TNFAIP8L3: variants seen among roughly 807,000 people sequenced by gnomAD.
The protein encoded by TNFAIP8L3 is tumor necrosis factor alpha-induced protein 8-like protein 3.
A neutral mutation model predicts 11.8 loss-of-function variants in TNFAIP8L3; 7 were observed. The ratio of observed to expected loss-of-function variants is 0.59; its 90% CI spans 0.34 to 1.11. TNFAIP8L3 has a LOEUF of 1.11. Among genes scored for constraint, TNFAIP8L3 ranks in the 50% most tolerant of loss-of-function variants. The pLI is 0.03. For missense variants in TNFAIP8L3, 219 were observed against 258.6 expected, an observed-to-expected ratio of 0.85 and a Z score of 1.05; for synonymous variants, 98 against 103.8, an observed-to-expected ratio of 0.94 and a Z score of 0.34.
At chr15:51,097,901 G>A (rs2065525439), upstream of TNFAIP8L3, among the ~76,000 whole-genome samples, 1 of 152,140 alleles carries the variant, frequency 6.6e-6, no homozygotes, top group Non-Finnish European at 1.5e-5. Flanking sequence ...AAGGGTTTCT[G>A]TAGTTCCTCT....
intron 1 of TNFAIP8L3, among the ~76,000 whole-genome samples, chr15:51,090,458 T>C (rs1464245399): frequency 6.6e-6 from 1 of 152,218 alleles, no homozygotes; most frequent in Non-Finnish European, 1.5e-5. Context: ...TCAAGAATCA[T>C]GGGGGCTCCA....
intron 1 of TNFAIP8L3, among the ~76,000 whole-genome samples, chr15:51,077,276 G>A (rs1233931165): frequency 1.3e-5 from 2 of 152,194 alleles, no homozygotes; most frequent in African/African-American, 2.4e-5. Context: ...AGTGCCCACA[G>A]ACCAAACCAC....
In TNFAIP8L3 at chr15:51,069,045, G is replaced by A. The variant is rs116284829; in HGVS notation, c.53-10602C>T. Among the ~76,000 whole-genome samples the A allele has an allele frequency of 1.7e-3, 260 of 152,180 alleles. 2 individuals carry two copies. Among genetic ancestry groups the A allele is most frequent in the African/African-American group, 6.1e-3 (254 of 41,512 alleles). ...GAGGCAGGCTTGGGTGCAATAGGAC[G>A]GGGGCAGAGGTTGGAAGGATGAAGG... On this transcript the variant is annotated intron_variant, in intron 1 of 1. Coordinates refer to ENST00000637513, the MANE Select transcript of TNFAIP8L3 (RefSeq NM_001311175.2).
At chr15:51,062,846 A>G (rs2065249388) in intron 1 of TNFAIP8L3, among the ~76,000 whole-genome samples, 1 of 152,212 alleles carries the variant, frequency 6.6e-6, no homozygotes, top group African/African-American at 2.4e-5. Context: ...TCATACTTGG[A>G]ACCACTGGAT....
At chr15:51,084,414 T>A (rs573571699) in intron 1 of TNFAIP8L3, among the ~76,000 whole-genome samples, 2 of 152,316 alleles carry the variant, frequency 1.3e-5, no homozygotes, top group African/African-American at 4.8e-5. Context: ...TTCAAGTTGT[T>A]TATTTAGGTT....
At position 51,105,248 on chromosome 15, in the gene TNFAIP8L3, T is replaced by A. The variant is rs1392455887; in HGVS notation, c.-72A>T. 8 of 1,517,998 alleles carry A rather than the reference T, an allele frequency of 5.3e-6. No homozygotes were observed. The South Asian group carries it at 6.2e-5, about 12-fold the overall frequency. The allele number at this position is 1,517,998 out of a possible 1,614,324, so 94.0% of individuals were successfully genotyped here. ...TGACTCTTTAGGAGGTCTGGTCGTT[T>A]CCCATTACTTGAGGTAAGACTAGCA... On this transcript the variant is annotated 5_prime_UTR_variant, in exon 1 of 3. Transcript: ENST00000327536.
intron 1 of TNFAIP8L3, among the ~76,000 whole-genome samples, chr15:51,091,804 TAAC>T (rs2065472873): frequency 6.6e-6 from 1 of 151,890 alleles, no homozygotes; most frequent in Non-Finnish European, 1.5e-5. Flanking sequence ...AATGTGATAA[TAAC>T]AGCAGCAACA....
At chr15:51,097,594 C>G (rs558661848), upstream of TNFAIP8L3, among the ~76,000 whole-genome samples, 1 of 152,292 alleles carries the variant, frequency 6.6e-6, no homozygotes, top group Non-Finnish European at 1.5e-5. Context: ...CCAAACTAAA[C>G]AAGGTCTCGA....
intron 1 of TNFAIP8L3, among the ~76,000 whole-genome samples, chr15:51,068,187 A>G (rs1200164782): frequency 6.6e-6 from 1 of 152,206 alleles, no homozygotes; most frequent in Non-Finnish European, 1.5e-5. Context: ...GCTGGGGTTC[A>G]GGGATGAGTC....
chr15:51,081,144 C>T (rs1282992461), intron 1 of TNFAIP8L3, among the ~76,000 whole-genome samples: 2 of 151,878 alleles, frequency 1.3e-5, no homozygotes, highest in South Asian at 2.1e-4. Flanking sequence ...CTCAGGAGGG[C>T]TTGTGGGGGT....
At chr15:51,084,961 A>C (rs2065416906) in intron 1 of TNFAIP8L3, among the ~76,000 whole-genome samples, 1 of 152,228 alleles carries the variant, frequency 6.6e-6, no homozygotes, top group Admixed American at 6.5e-5. Flanking sequence ...GGAGCAACTG[A>C]GAAGGTACAG....
intron 1 of TNFAIP8L3, among the ~76,000 whole-genome samples, chr15:51,091,711 C>CACACAG (rs2065472078): frequency 6.8e-6 from 1 of 146,630 alleles, no homozygotes; most frequent in Admixed American, 6.9e-5. Flanking sequence ...CACACACACA[C>CACACAG]ACACACGTGC....
At position 51,057,629 on chromosome 15, in the gene TNFAIP8L3, CT is replaced by C; in HGVS notation, c.*251del. 2.5e-6 allele frequency: 1 copy of C among 405,412 alleles called. No individual in the cohort carries two copies. The highest frequency in any genetic ancestry group is 4.4e-6 in the Non-Finnish European group (1 of 227,278). 25.1% of individuals were successfully genotyped at this position (405,412 alleles called of 1,614,324 possible). A position where few individuals can be genotyped will look rare whatever the true frequency, so the allele number is the denominator to read the frequency against. On this transcript the variant is annotated 3_prime_UTR_variant, in exon 2 of 2. Transcript: ENST00000637513. Reference sequence around the variant, plus strand: ...CACTCACTGTAATGAACAAAACAGCCTTTCTGCTTAGAATAGATGAAATGTC... The same window carrying C: ...CACTCACTGTAATGAACAAAACAGCCTTCTGCTTAGAATAGATGAAATGTC...
At chr15:51,070,505 A>G (rs1245452307) in intron 1 of TNFAIP8L3, among the ~76,000 whole-genome samples, 2 of 152,208 alleles carry the variant, frequency 1.3e-5, no homozygotes, top group African/African-American at 2.4e-5. Flanking sequence ...AGCGATAGCA[A>G]TGGATGCAGC....
intron 1 of TNFAIP8L3, among the ~76,000 whole-genome samples, chr15:51,063,172 A>G (rs1054180826): frequency 6.6e-6 from 1 of 152,196 alleles, no homozygotes; most frequent in Non-Finnish European, 1.5e-5. Flanking sequence ...AAAATGATAA[A>G]TTGGTGTCTT....
At chr15:51,066,349 G>T (rs1276415296) in intron 1 of TNFAIP8L3, among the ~76,000 whole-genome samples, 4 of 152,024 alleles carry the variant, frequency 2.6e-5, no homozygotes. Context: ...TTTTAGTAGA[G>T]ACGGGGTTTC....
chr15:51,092,213 T>C (rs1001210744), intron 1 of TNFAIP8L3, among the ~76,000 whole-genome samples: 1 of 152,094 alleles, frequency 6.6e-6, no homozygotes, highest in Non-Finnish European at 1.5e-5. Flanking sequence ...GTGAGGCAGG[T>C]ACACACACAC....
chr15:51,059,991 C>T (rs564724728), intron 1 of TNFAIP8L3, among the ~76,000 whole-genome samples: 44 of 152,360 alleles, frequency 2.9e-4, no homozygotes, highest in African/African-American at 1.0e-3. Flanking sequence ...TAAGCAACTT[C>T]ACACCCAAGT....
upstream of TNFAIP8L3, among the ~76,000 whole-genome samples, chr15:51,099,697 G>A (rs981086557): frequency 5.9e-5 from 9 of 152,158 alleles, no homozygotes; most frequent in African/African-American, 2.2e-4. Context: ...TTGTATGTGG[G>A]TACCCTAAGT....
Sources: allele counts gnomAD v4.1 joint callset (sites outside exome capture counted in the v4.1 genomes callset), GRCh38; gene constraint gnomAD v4.1.1; transcripts MANE v1.5; gene names NCBI Gene and HGNC (gene_info 2026-07-23, HGNC 2026-07-21).